The following NCAM2 variants were observed in gnomAD, a reference collection of about 807,000 sequenced individuals.
NCAM2 encodes neural cell adhesion molecule 2.
NCAM2 carries 30 observed loss-of-function variants against 98.1 expected under a neutral mutation model. The observed-to-expected ratio is 0.31, with a 90% CI of 0.23 to 0.41. NCAM2 has a LOEUF of 0.41. Among genes scored for constraint, NCAM2 ranks in the 10% least tolerant of loss-of-function variants. NCAM2 has a pLI of 1.00. For synonymous variants in NCAM2, 368 were observed against 342.4 expected (o/e 1.07, Z -0.83); for missense variants, 867 against 1,005.8 (o/e 0.86, Z 1.87).
intron 6 of NCAM2, among the ~76,000 whole-genome samples, chr21:21,331,993 C>G (rs1055862668): frequency 1.2e-4 from 18 of 151,942 alleles, no homozygotes; most frequent in Non-Finnish European, 2.1e-4. Context: ...ACCTCCACCT[C>G]CCAGATTCAA....
Position 21,392,354 on chromosome 21 carries a change from A to T in NCAM2, c.1196-17920A>T, listed in dbSNP as rs1172090116. ...ATTTTCTTTATCCAGTCTATCATTG[A>T]TGGACATTTAGGTTGAATCCATGTC... is the stretch of plus-strand genomic sequence containing the variant. On this transcript the variant is annotated intron_variant, in intron 9 of 17. Transcript: ENST00000400546. Among the ~76,000 whole-genome samples the T allele has an allele frequency of 2.0e-5, 3 of 152,200 alleles. No individual in the cohort carries two copies. The East Asian group carries it at 5.8e-4, about 29-fold the overall frequency.
At chr21:21,534,176 CTAGT>C (rs1223301991) in intron 16 of NCAM2, among the ~76,000 whole-genome samples, 3 of 151,450 alleles carry the variant, frequency 2.0e-5, no homozygotes, top group African/African-American at 7.3e-5. Flanking sequence ...TCAAATGTGG[CTAGT>C]TAGAGGAAAG....
intron 10 of NCAM2, among the ~76,000 whole-genome samples, chr21:21,411,553 T>A (rs1476834302): frequency 1.3e-5 from 2 of 152,080 alleles, no homozygotes; most frequent in Non-Finnish European, 1.5e-5. Context: ...AGTGTATGTG[T>A]GTATCAATTT....
chr21:21,044,321 T>C (rs754834077), intron 1 of NCAM2, among the ~76,000 whole-genome samples: 1 of 152,176 alleles, frequency 6.6e-6, no homozygotes, highest in Non-Finnish European at 1.5e-5. Context: ...TATGGTCTTA[T>C]AGCAGATTTG....
At chr21:21,158,602 C>T (rs1180248335) in intron 1 of NCAM2, among the ~76,000 whole-genome samples, 1 of 74,350 alleles carries the variant, frequency 1.3e-5, no homozygotes, top group Non-Finnish European at 2.6e-5. Context: ...AGACACCGTC[C>T]CCGCCCCCGC....
chr21:21,025,044 G>A (rs8126804), intron 1 of NCAM2, among the ~76,000 whole-genome samples: 95,433 of 151,982 alleles, frequency 0.63, 30,241 homozygotes, highest in East Asian at 0.82. Context: ...TACACACTAT[G>A]GTCTTTTATT....
chr21:21,338,246 T>C, intron 7 of NCAM2, 143 bp from the exon 8 acceptor site: 1 of 722,420 alleles, frequency 1.4e-6, no homozygotes, highest in East Asian at 3.2e-5. Flanking sequence ...GGTACGTCTG[T>C]AAGGCAAAGC....
In NCAM2 at chr21:21,292,045, C is replaced by G. The variant is rs2073316242; in HGVS notation, c.482-59C>G. 4 of 1,502,050 alleles carry G rather than the reference C, an allele frequency of 2.7e-6. No homozygotes were observed. The Admixed American group carries it at 6.1e-5, about 23-fold the overall frequency. The allele number at this position is 1,502,050 out of a possible 1,614,324, so 93.0% of individuals were successfully genotyped here. On this transcript the variant is annotated intron_variant, in intron 4 of 17. Transcript: ENST00000400546. ...TATTTTAACTCTTAACAATTTAGAGCACTCTGGACTTAGCCTTCAATTACT... is the reference window on the plus strand; with the variant it reads ...TATTTTAACTCTTAACAATTTAGAGGACTCTGGACTTAGCCTTCAATTACT...
At chr21:21,351,134 A>AAAG (rs2075327921) in intron 8 of NCAM2, among the ~76,000 whole-genome samples, 2 of 150,096 alleles carry the variant, frequency 1.3e-5, no homozygotes, top group African/African-American at 4.9e-5. Context: ...AAAAAAAAAA[A>AAAG]AAAAAAAAGA....
At chr21:21,242,054 G>C (rs929365156) in intron 1 of NCAM2, among the ~76,000 whole-genome samples, 1 of 152,090 alleles carries the variant, frequency 6.6e-6, no homozygotes, top group East Asian at 1.9e-4. Flanking sequence ...CACTAAAATT[G>C]TCAAATACCT....
chr21:21,440,769 G>C (rs1299448050), intron 12 of NCAM2, among the ~76,000 whole-genome samples: 1 of 152,000 alleles, frequency 6.6e-6, no homozygotes, highest in Non-Finnish European at 1.5e-5. Flanking sequence ...GGATTAATAA[G>C]AATGCAAACA....
chr21:21,106,932 T>A (rs1452761825), intron 1 of NCAM2, among the ~76,000 whole-genome samples: 3 of 152,114 alleles, frequency 2.0e-5, no homozygotes, highest in African/African-American at 7.2e-5. Context: ...ATTCTCCCAC[T>A]GAATTTTAGT....
At chr21:21,478,466 A>G (rs1985445188) in intron 15 of NCAM2, among the ~76,000 whole-genome samples, 1 of 151,936 alleles carries the variant, frequency 6.6e-6, no homozygotes, top group African/African-American at 2.4e-5. Flanking sequence ...CCCTCTTGTA[A>G]TTTCAAATTG....
At chr21:21,504,506 T>C (rs905117939) in intron 15 of NCAM2, among the ~76,000 whole-genome samples, 1 of 151,920 alleles carries the variant, frequency 6.6e-6, no homozygotes, top group Non-Finnish European at 1.5e-5. Flanking sequence ...AATACATCAT[T>C]AGTAGTGCCC....
Position 21,537,873 on chromosome 21 carries a change from G to A in NCAM2, c.2430G>A (p.Gly810=). The A allele has an allele frequency of 3.2e-6, 5 of 1,569,614 alleles. No homozygotes were observed. The highest frequency in any genetic ancestry group is 1.2e-5 in the South Asian group (1 of 84,852). ...AATTGCCTTTAAAGGAAGAAGATGG[G>A]AAAGAAGCTCTAAATCCAGAAACTA... is the stretch of plus-strand genomic sequence containing the variant. ...PEKLPLKEED[G]KEALNPETIE... Residue 810 remains glycine (G), a synonymous_variant, in exon 18 of 18, where the codon GGG becomes GGA. Transcript: ENST00000400546.
At chr21:21,088,508 A>G (rs1050155393) in intron 1 of NCAM2, among the ~76,000 whole-genome samples, 1 of 152,206 alleles carries the variant, frequency 6.6e-6, no homozygotes, top group African/African-American at 2.4e-5. Flanking sequence ...AAATTTTCAC[A>G]TAAAGGAAAA....
At chr21:21,487,742 A>G (rs899286690) in intron 15 of NCAM2, among the ~76,000 whole-genome samples, 3 of 151,954 alleles carry the variant, frequency 2.0e-5, no homozygotes, top group Non-Finnish European at 2.9e-5. Flanking sequence ...TGGCCTCTCT[A>G]CCCCAATCAA....
At chr21:21,412,719 G>A (rs1435198709) in intron 10 of NCAM2, among the ~76,000 whole-genome samples, 1 of 152,268 alleles carries the variant, frequency 6.6e-6, no homozygotes, top group South Asian at 2.1e-4. Flanking sequence ...ACATGTTTAT[G>A]TGTATACTCT....
intron 1 of NCAM2, among the ~76,000 whole-genome samples, chr21:21,102,234 A>C (rs1441495190): frequency 6.6e-6 from 1 of 152,084 alleles, no homozygotes; most frequent in Admixed American, 6.6e-5. Context: ...TGGAATGCTT[A>C]TGTAGATTGT....
Sources: allele counts gnomAD v4.1 joint callset (sites outside exome capture counted in the v4.1 genomes callset), GRCh38; gene constraint gnomAD v4.1.1; transcripts MANE v1.5; gene names NCBI Gene and HGNC (gene_info 2026-07-23, HGNC 2026-07-21).